Variants in FGF13 observed in about 807,000 individuals in gnomAD.
FGF13 encodes the protein fibroblast growth factor 13, also known as fibroblast growth factor homologous factor 2.
A neutral mutation model predicts 19.5 loss-of-function variants in FGF13; 2 were observed. The observed-to-expected ratio is 0.10, with a 90% CI of 0.04 to 0.32. The LOEUF (loss-of-function observed/expected upper bound fraction) is 0.32, where lower values mean the gene tolerates loss of function less well. Among genes scored for constraint, FGF13 ranks in the 10% least tolerant of loss-of-function variants. The probability of loss-of-function intolerance (pLI) is 1.00; values close to 1 mark genes in which losing one functional copy is unlikely to be tolerated. For synonymous variants in FGF13, 72 were observed against 76.9 expected (o/e 0.94, Z 0.33); for missense variants, 113 against 192.7 (o/e 0.59, Z 2.45).
At chrX:139,074,585 G>A (rs2092386595) in intron 1 of FGF13, among the ~76,000 whole-genome samples, 1 of 111,821 alleles carries the variant, frequency 8.9e-6, no homozygotes, top group Non-Finnish European at 1.9e-5. Flanking sequence ...CCTTCAGTGT[G>A]GTGTCTACTT....
At chrX:138,933,712 G>A (rs1444714709) in intron 1 of FGF13, among the ~76,000 whole-genome samples, 2 of 111,759 alleles carry the variant, frequency 1.8e-5, no homozygotes, top group Non-Finnish European at 3.8e-5. Context: ...TTCAGGCCCA[G>A]CTTTCTCCAC....
chrX:138,659,172 T>G (rs1302642673), intron 3 of FGF13, among the ~76,000 whole-genome samples: 1 of 112,137 alleles, frequency 8.9e-6, no homozygotes, highest in Non-Finnish European at 1.9e-5. Context: ...TAGAAAGATA[T>G]TTTTTAATTA....
intron 1 of FGF13, among the ~76,000 whole-genome samples, chrX:138,888,682 CAT>C (rs1255776413): frequency 9.5e-6 from 1 of 105,211 alleles, no homozygotes; most frequent in Non-Finnish European, 1.9e-5. Context: ...TCTACCTGCT[CAT>C]AGGACCAAGA....
intron 3 of FGF13, among the ~76,000 whole-genome samples, chrX:138,771,688 G>C (rs1184221936): frequency 9.1e-6 from 1 of 110,163 alleles, no homozygotes; most frequent in African/African-American, 3.3e-5. Flanking sequence ...CTGCAAGATA[G>C]AGTATACAAG....
chrX:138,731,118 C>A (rs1194190727), intron 1 of FGF13, among the ~76,000 whole-genome samples: 2 of 111,388 alleles, frequency 1.8e-5, no homozygotes, highest in African/African-American at 3.2e-5. Context: ...AATCCATAAT[C>A]ATAGTTGGAA....
intron 1 of FGF13, among the ~76,000 whole-genome samples, chrX:139,078,322 C>G (rs763256336): frequency 4.5e-5 from 5 of 110,592 alleles, no homozygotes; most frequent in Non-Finnish European, 9.4e-5. Context: ...TTGCCCTAAA[C>G]AATCTGTCAC....
At chrX:139,128,623 G>T (rs1005589222) in intron 1 of FGF13, among the ~76,000 whole-genome samples, 2 of 112,642 alleles carry the variant, frequency 1.8e-5, no homozygotes, top group African/African-American at 6.4e-5. Context: ...CTCACTAGCT[G>T]TATGACCTTG....
chrX:138,746,448 C>A (rs191455455), intron 3 of FGF13, among the ~76,000 whole-genome samples: 3 of 111,422 alleles, frequency 2.7e-5, no homozygotes, highest in African/African-American at 9.8e-5. Context: ...GACCACAGAG[C>A]TATTTCCTAA....
At chrX:138,790,409 C>T (rs2090733314) in intron 3 of FGF13, among the ~76,000 whole-genome samples, 1 of 110,757 alleles carries the variant, frequency 9.0e-6, no homozygotes, top group African/African-American at 3.3e-5. Context: ...ATATTTCATC[C>T]ATGGCACTGG....
At chrX:138,779,253 A>G (rs2090617460) in intron 3 of FGF13, among the ~76,000 whole-genome samples, 1 of 110,456 alleles carries the variant, frequency 9.1e-6, no homozygotes, top group Non-Finnish European at 1.9e-5. Context: ...TAAAAAGCAG[A>G]GCACCTCTCC....
intron 1 of FGF13, among the ~76,000 whole-genome samples, chrX:139,079,118 G>T (rs748717966): frequency 8.9e-6 from 1 of 112,083 alleles, no homozygotes; most frequent in Admixed American, 9.5e-5. Flanking sequence ...GATTCGCAGC[G>T]TGTGTTGCTT....
At chrX:138,732,323 G>T (rs745467320) in intron 1 of FGF13, among the ~76,000 whole-genome samples, 24 of 112,193 alleles carry the variant, frequency 2.1e-4, no homozygotes, top group African/African-American at 7.7e-4. Flanking sequence ...TAAGCTAAAA[G>T]CTAGAAACAA....
upstream of FGF13, among the ~76,000 whole-genome samples, chrX:138,740,255 ATC>A (rs1458534391): frequency 9.0e-6 from 1 of 111,589 alleles, no homozygotes; most frequent in Non-Finnish European, 1.9e-5. Context: ...GAGAAAGGAA[ATC>A]TGTCTCAAGT....
At chrX:138,639,860 G>A (rs192603576) in intron 3 of FGF13, among the ~76,000 whole-genome samples, 1 of 110,196 alleles carries the variant, frequency 9.1e-6, no homozygotes, top group African/African-American at 3.3e-5. Context: ...GGGCATGGTG[G>A]TGGGCACCTG....
chrX:138,940,063 G>A (rs1354885119), intron 1 of FGF13, among the ~76,000 whole-genome samples: 5 of 111,387 alleles, frequency 4.5e-5, no homozygotes, highest in African/African-American at 1.6e-4. Context: ...CCTTTTCTCT[G>A]CAACCTCACC....
chrX:138,773,624 C>T (rs1007401783), intron 3 of FGF13, among the ~76,000 whole-genome samples: 2 of 112,094 alleles, frequency 1.8e-5, no homozygotes, highest in South Asian at 3.7e-4. Context: ...AAATTTTAGC[C>T]GTTCTTAGTC....
intron 3 of FGF13, among the ~76,000 whole-genome samples, chrX:138,660,084 T>A (rs5931472): frequency 0.085 from 9,468 of 111,640 alleles, 374 homozygotes; most frequent in Middle Eastern, 0.18. Flanking sequence ...TATTTTTTTT[T>A]AAAAATGAAC....
chrX:139,022,779 C>A (rs901554363), intron 1 of FGF13, among the ~76,000 whole-genome samples: 2 of 111,255 alleles, frequency 1.8e-5, no homozygotes, highest in African/African-American at 6.5e-5. Flanking sequence ...CAAACATATA[C>A]AGTATGAGGT....
At chrX:138,885,006 G>T (rs2091444762) in intron 1 of FGF13, among the ~76,000 whole-genome samples, 1 of 112,155 alleles carries the variant, frequency 8.9e-6, no homozygotes, top group Non-Finnish European at 1.9e-5. Flanking sequence ...AGAATGATCT[G>T]CCTTACCATC....
Sources: gnomAD v4.1 joint callset for allele counts (sites outside exome capture counted in the v4.1 genomes callset) on GRCh38, gnomAD v4.1.1 for gene constraint, MANE v1.5 for transcripts, NCBI Gene and HGNC (gene_info 2026-07-23, HGNC 2026-07-21) for gene names.